FER: variants seen among roughly 807,000 people sequenced by gnomAD.
FER encodes tyrosine-protein kinase Fer.
In FER, 63 loss-of-function variants were observed where a neutral mutation model predicts 111.0. That is an observed-to-expected ratio of 0.57 (90% CI 0.46 to 0.70). The LOEUF (loss-of-function observed/expected upper bound fraction) is 0.70, where lower values mean the gene tolerates loss of function less well. Among genes scored for constraint, FER ranks in the 30% least tolerant of loss-of-function variants. The pLI, the probability that FER is intolerant of heterozygous loss-of-function variation, is 0.00. For synonymous variants in FER, 327 were observed against 313.9 expected, an observed-to-expected ratio of 1.04 and a Z score of -0.44; for missense variants, 914 against 954.0, an observed-to-expected ratio of 0.96 and a Z score of 0.55.
chr5:108,948,615 A>G (rs1054427338), intron 11 of FER, among the ~76,000 whole-genome samples: 4 of 152,100 alleles, frequency 2.6e-5, no homozygotes, highest in Non-Finnish European at 4.4e-5. Context: ...TTAAAAGCCT[A>G]CTGGCAATCA....
intron 17 of FER, among the ~76,000 whole-genome samples, chr5:109,139,262 T>C (rs1446714033): frequency 1.3e-5 from 2 of 151,960 alleles, no homozygotes; most frequent in African/African-American, 4.8e-5. Context: ...CCTGAGTCTG[T>C]CTTGCTGTCA....
At chr5:109,016,652 T>G (rs541567319) in intron 13 of FER, among the ~76,000 whole-genome samples, 3 of 152,210 alleles carry the variant, frequency 2.0e-5, no homozygotes, top group South Asian at 2.1e-4. Context: ...AAGCTTTTGT[T>G]GCAAAGCAAT....
chr5:109,021,222 G>A (rs545150620), intron 13 of FER, among the ~76,000 whole-genome samples: 5 of 151,964 alleles, frequency 3.3e-5, no homozygotes, highest in African/African-American at 9.6e-5. Flanking sequence ...GATTTTAGCC[G>A]GTGTGCTTAC....
intron 17 of FER, among the ~76,000 whole-genome samples, chr5:109,140,137 A>C (rs1753366714): frequency 6.6e-6 from 1 of 152,206 alleles, no homozygotes; most frequent in Admixed American, 6.5e-5. Flanking sequence ...TTCTGTGCAC[A>C]CAAAAAACAT....
intron 12 of FER, 78 bp from the exon 13 acceptor site, chr5:108,959,147 G>T: frequency 6.9e-7 from 1 of 1,448,240 alleles, no homozygotes; most frequent in Non-Finnish European, 9.4e-7. Flanking sequence ...TTTAAGAAAG[G>T]AATCTAATTT....
At chr5:109,125,793 AC>A (rs1425156979) in intron 17 of FER, among the ~76,000 whole-genome samples, 1 of 152,198 alleles carries the variant, frequency 6.6e-6, no homozygotes, top group Non-Finnish European at 1.5e-5. Flanking sequence ...CTCATGTAAG[AC>A]TTTTGAGAAA....
chr5:109,025,810 A>G (rs1013786414), intron 13 of FER, among the ~76,000 whole-genome samples: 2 of 151,982 alleles, frequency 1.3e-5, no homozygotes, highest in African/African-American at 4.8e-5. Flanking sequence ...TACCTAATTT[A>G]TTGAGAGTTT....
intron 10 of FER, among the ~76,000 whole-genome samples, chr5:108,909,290 A>T (rs1364401031): frequency 1.3e-5 from 2 of 152,220 alleles, no homozygotes; most frequent in Non-Finnish European, 2.9e-5. Context: ...AGTATTGTGC[A>T]GAAAGTTGTT....
intron 5 of FER, among the ~76,000 whole-genome samples, chr5:108,849,273 C>G (rs1286647304): frequency 6.6e-6 from 1 of 152,058 alleles, no homozygotes; most frequent in Non-Finnish European, 1.5e-5. Context: ...CTTTCAGAGA[C>G]TCCAGTTACA....
At position 108,841,044 on chromosome 5, in the gene FER, CAG is replaced by C. The variant is rs1393855277; in HGVS notation, c.481+5241_481+5242del. Among the ~76,000 whole-genome samples, 4 of 152,238 alleles carry C rather than the reference CAG, an allele frequency of 2.6e-5. No individual in the cohort carries two copies. The East Asian group carries it at 5.8e-4, about 22-fold the overall frequency. On this transcript the variant is annotated intron_variant, in intron 5 of 19. Transcript: ENST00000281092. ...GAGAAAGGAGGGTTGAGGGAAGAAACAGAGAACAATGTAAAGAGGGAATAAAA... is the reference window on the plus strand; with the variant it reads ...GAGAAAGGAGGGTTGAGGGAAGAAACAGAACAATGTAAAGAGGGAATAAAA...
chr5:108,982,628 C>A (rs1238314680), intron 13 of FER, among the ~76,000 whole-genome samples: 1 of 152,042 alleles, frequency 6.6e-6, no homozygotes, highest in African/African-American at 2.4e-5. Context: ...CTATTCACTG[C>A]AATCATTCTG....
chr5:109,053,281 G>A (rs1044902486), intron 16 of FER, among the ~76,000 whole-genome samples: 1 of 151,352 alleles, frequency 6.6e-6, no homozygotes, highest in African/African-American at 2.4e-5. Context: ...TACTTGGGAG[G>A]CTGAGGGAGG....
chr5:108,994,460 T>C (rs1354949266), intron 13 of FER, among the ~76,000 whole-genome samples: 3 of 152,198 alleles, frequency 2.0e-5, no homozygotes, highest in Non-Finnish European at 4.4e-5. Flanking sequence ...TTCTGTTCCA[T>C]TGGTCTTTGT....
intron 16 of FER, among the ~76,000 whole-genome samples, chr5:109,059,534 C>T (rs1774112278): frequency 6.6e-6 from 1 of 152,018 alleles, no homozygotes; most frequent in Non-Finnish European, 1.5e-5. Flanking sequence ...CTCAAAAAAA[C>T]CCAGAACAAA....
At chr5:108,849,032 G>T (rs889318156) in intron 5 of FER, among the ~76,000 whole-genome samples, 1 of 151,710 alleles carries the variant, frequency 6.6e-6, no homozygotes, top group Non-Finnish European at 1.5e-5. Context: ...TATCTTAGTT[G>T]CTCTGAACAT....
At chr5:108,931,596 T>G (rs72793923) in intron 10 of FER, among the ~76,000 whole-genome samples, 17,760 of 152,120 alleles carry the variant, frequency 0.12, 1,138 homozygotes, top group Middle Eastern at 0.17. Context: ...GATGTGGTAT[T>G]AAAAATAGTG....
intron 5 of FER, among the ~76,000 whole-genome samples, chr5:108,850,884 C>G (rs143360886): frequency 2.0e-5 from 3 of 152,220 alleles, no homozygotes; most frequent in Non-Finnish European, 4.4e-5. Context: ...TAGTTGAAAC[C>G]AAATCTGTCT....
intron 17 of FER, among the ~76,000 whole-genome samples, chr5:109,137,155 G>GGGGGAGGTGAAGGAAA (rs1379543852): frequency 6.6e-6 from 1 of 152,150 alleles, no homozygotes; most frequent in African/African-American, 2.4e-5. Context: ...GTGAAGGAAA[G>GGGGGAGGTGAAGGAAA]GGGGAGATGA....
At chr5:108,887,852 AT>A (rs1235135566) in intron 9 of FER, among the ~76,000 whole-genome samples, 5 of 151,798 alleles carry the variant, frequency 3.3e-5, no homozygotes, top group Admixed American at 6.6e-5. Flanking sequence ...AGCATATGTC[AT>A]TTATGACTTG....
Sources: allele counts gnomAD v4.1 joint callset (sites outside exome capture counted in the v4.1 genomes callset), GRCh38; gene constraint gnomAD v4.1.1; transcripts MANE v1.5; gene names NCBI Gene and HGNC (gene_info 2026-07-23, HGNC 2026-07-21).